Variants in TBC1D21 observed in about 807,000 individuals in gnomAD.
TBC1D21 encodes male germ cell Rab GTPase-activating protein.
In TBC1D21, 38 loss-of-function variants were observed where a neutral mutation model predicts 46.0. The ratio of observed to expected loss-of-function variants is 0.83; its 90% CI spans 0.64 to 1.08. The LOEUF (loss-of-function observed/expected upper bound fraction) is 1.08. Ranked by LOEUF, TBC1D21 falls within the 50% of genes least tolerant of loss-of-function variation. The pLI, the probability that TBC1D21 is intolerant of heterozygous loss-of-function variation, is 0.00. For synonymous variants in TBC1D21, 151 were observed against 157.2 expected (o/e 0.96, Z 0.29); for missense variants, 415 against 417.9 (o/e 0.99, Z 0.06).
chr15:73,888,859 C>T (rs561518414), intron 10 of TBC1D21, among the ~76,000 whole-genome samples: 1 of 152,270 alleles, frequency 6.6e-6, no homozygotes, highest in Non-Finnish European at 1.5e-5. Flanking sequence ...CATGTTGCTC[C>T]TCATGGTCTT....
At chr15:73,875,533 T>C (rs2068045871) in intron 1 of TBC1D21, among the ~76,000 whole-genome samples, 1 of 152,224 alleles carries the variant, frequency 6.6e-6, no homozygotes, top group African/African-American at 2.4e-5. Flanking sequence ...AGGAGATTTA[T>C]GCCTGAAGCC....
At chr15:73,900,958 T>C in the TBC1D21 span, among the ~76,000 whole-genome samples, 1 of 152,174 alleles carries the variant, frequency 6.6e-6, no homozygotes, top group African/African-American at 2.4e-5. Context: ...TAATGACAAT[T>C]ATAGAAACTG....
chr15:73,883,449 C>G (rs1331426055), intron 3 of TBC1D21, among the ~76,000 whole-genome samples: 1 of 152,244 alleles, frequency 6.6e-6, no homozygotes, highest in African/African-American at 2.4e-5. Context: ...TACCTCCCAG[C>G]TTGTGTGGCT....
rs558121058 is a variant in TBC1D21, at chr15:73,884,180, A to G, written c.302A>G (p.Tyr101Cys). The G allele has an allele frequency of 1.5e-4, 248 of 1,614,222 alleles. No homozygotes were observed. Among genetic ancestry groups the G allele is most frequent in the South Asian group, 1.4e-3 (124 of 91,086 alleles). The change falls in exon 4 of 11, where the codon TAT becomes TGT. Residue 101 changes from tyrosine to cysteine, a missense_variant. Tyr to Cys is a radical substitution (Grantham distance 194). Coordinates refer to ENST00000300504, the MANE Select transcript of TBC1D21 (RefSeq NM_153356.3). The stretch of plus-strand genomic sequence containing the variant: ...AACTACAAGGCCTTATGCCAAATGT[A>G]TGAGAAGATTCAGCCCCTTCTGGAA... ...RKNYKALCQMYEKIQPLLENL... is the reference protein window; with the variant it reads ...RKNYKALCQMCEKIQPLLENL...
the TBC1D21 span, among the ~76,000 whole-genome samples, chr15:73,904,542 C>T: frequency 3.3e-5 from 5 of 152,362 alleles, no homozygotes; most frequent in East Asian, 1.9e-4. Flanking sequence ...CCTCCCCTCC[C>T]GCCATGTGCC....
At chr15:73,886,957 C>G (rs1051232114) in intron 8 of TBC1D21, among the ~76,000 whole-genome samples, 3 of 152,226 alleles carry the variant, frequency 2.0e-5, no homozygotes, top group Admixed American at 1.3e-4. Flanking sequence ...AGCTGTCCCC[C>G]CAACCCTGGC....
intron 1 of TBC1D21, among the ~76,000 whole-genome samples, chr15:73,879,382 T>G (rs1327917440): frequency 1.3e-5 from 2 of 151,978 alleles, no homozygotes; most frequent in East Asian, 1.9e-4. Context: ...CTAATTTTTG[T>G]TTTTTGTTTT....
At chr15:73,881,612 C>G in intron 2 of TBC1D21, 32 bp from the exon 3 acceptor site, 1 of 1,604,890 alleles carries the variant, frequency 6.2e-7, no homozygotes, top group East Asian at 2.2e-5. Context: ...ATCGATAGAG[C>G]CCATGACCTC....
chr15:73,908,200 T>G, the TBC1D21 span: 2 of 152,274 alleles, frequency 1.3e-5, no homozygotes, highest in African/African-American at 4.8e-5. Flanking sequence ...ATGTGCTTCC[T>G]GGGGAACCAG....
the TBC1D21 span, among the ~76,000 whole-genome samples, chr15:73,899,990 GC>G: frequency 1.3e-5 from 2 of 152,270 alleles, no homozygotes; most frequent in African/African-American, 2.4e-5. Context: ...CTGGGGCCCC[GC>G]CCCCTCTGCC....
At chr15:73,888,350 C>A in intron 9 of TBC1D21, 80 bp from the exon 10 acceptor site, 2 of 1,194,382 alleles carry the variant, frequency 1.7e-6, no homozygotes, top group Non-Finnish European at 2.4e-6. Context: ...CTGGGTGCTG[C>A]AGGCAGCTGC....
downstream of TBC1D21, among the ~76,000 whole-genome samples, chr15:73,890,885 C>T (rs1331459356): frequency 2.0e-5 from 3 of 152,172 alleles, no homozygotes; most frequent in Admixed American, 1.3e-4. Flanking sequence ...TCAAGCCCCC[C>T]TCCTTGAACC....
rs374149710 is a variant in TBC1D21, at chr15:73,886,528, G to C, written c.693G>C (p.Gly231=). 5.0e-6 allele frequency: 8 copies of C among 1,613,618 alleles called. No homozygotes were observed. Among genetic ancestry groups the C allele is most frequent in the Non-Finnish European group, 6.8e-6 (8 of 1,180,024 alleles). Residue 231 remains glycine (G), a synonymous_variant, in exon 8 of 11, where the codon GGG becomes GGC. Coordinates refer to ENST00000300504, the MANE Select transcript of TBC1D21 (RefSeq NM_153356.3). ...TCCCCACAGAAGGGAAGGGTGCAGG[G>C]GCTGTGCAGTCCCTCTTCCCCTGGT... ...FAEHLKGKGA[G]AVQSLFPWFC...
chr15:73,902,784 C>A, the TBC1D21 span, among the ~76,000 whole-genome samples: 1 of 152,214 alleles, frequency 6.6e-6, no homozygotes, highest in African/African-American at 2.4e-5. Context: ...TCATGCCGAG[C>A]CAATCCACAA....
chr15:73,884,298 C>T, intron 4 of TBC1D21, 53 bp downstream of exon 4: 2 of 1,511,166 alleles, frequency 1.3e-6, no homozygotes, highest in South Asian at 2.3e-5. Context: ...TGAAGCCAAC[C>T]CTGCCCCCTT....
intron 1 of TBC1D21, among the ~76,000 whole-genome samples, chr15:73,880,987 T>C (rs1161100681): frequency 6.6e-6 from 1 of 152,234 alleles, no homozygotes. Context: ...ATGAGGGCCA[T>C]AGTTGTACTA....
At chr15:73,883,198 TC>T (rs1347321816) in intron 3 of TBC1D21, among the ~76,000 whole-genome samples, 1 of 152,152 alleles carries the variant, frequency 6.6e-6, no homozygotes, top group Non-Finnish European at 1.5e-5. Flanking sequence ...GATTCACGTG[TC>T]GGGGCCAGCC....
At chr15:73,886,906 G>A (rs2068258334) in intron 8 of TBC1D21, among the ~76,000 whole-genome samples, 1 of 152,140 alleles carries the variant, frequency 6.6e-6, no homozygotes, top group African/African-American at 2.4e-5. Flanking sequence ...CCACTTCCCC[G>A]CTGCCCTGCC....
chr15:73,906,917 T>C, the TBC1D21 span, among the ~76,000 whole-genome samples: 1 of 151,278 alleles, frequency 6.6e-6, no homozygotes, highest in African/African-American at 2.5e-5. Flanking sequence ...ATTCACCTCT[T>C]CAGGCTCTTG....
Sources: allele counts gnomAD v4.1 joint callset (sites outside exome capture counted in the v4.1 genomes callset), GRCh38; gene constraint gnomAD v4.1.1; transcripts MANE v1.5; gene names NCBI Gene and HGNC (gene_info 2026-07-23, HGNC 2026-07-21).